Variants in KCNIP1 observed in about 807,000 individuals in gnomAD.
KCNIP1 encodes potassium voltage-gated channel interacting protein 1.
A neutral mutation model predicts 33.0 loss-of-function variants in KCNIP1; 18 were observed. The ratio of observed to expected loss-of-function variants is 0.55; its 90% CI spans 0.38 to 0.81. The LOEUF is 0.81. KCNIP1 is among the 30% of genes least tolerant of loss of function. The probability of loss-of-function intolerance (pLI) is 0.00; values close to 1 mark genes in which losing one functional copy is unlikely to be tolerated. For synonymous variants in KCNIP1, 93 were observed against 98.3 expected (o/e 0.95, Z 0.32); for missense variants, 238 against 271.6 (o/e 0.88, Z 0.87).
intron 1 of KCNIP1, chr5:170,485,772 C>A: frequency 6.6e-6 from 1 of 152,030 alleles, no homozygotes; most frequent in South Asian, 2.1e-4. Context: ...AAGATCAACC[C>A]AGCCCAGCCC....
At chr5:170,650,227 G>C (rs1305387675) in intron 1 of KCNIP1, among the ~76,000 whole-genome samples, 1 of 152,084 alleles carries the variant, frequency 6.6e-6, no homozygotes, top group African/African-American at 2.4e-5. Context: ...TTATTAGTCT[G>C]GACATATAGC....
At chr5:170,627,852 G>T (rs1759892978) in intron 1 of KCNIP1, among the ~76,000 whole-genome samples, 1 of 152,222 alleles carries the variant, frequency 6.6e-6, no homozygotes, top group Non-Finnish European at 1.5e-5. Flanking sequence ...GGGGCTTGGG[G>T]CTCCCCTTGA....
chr5:170,489,409 C>T lies in KCNIP1; in HGVS notation c.88+135445C>T, dbSNP rs1322960291. On this transcript the variant is annotated intron_variant, in intron 1 of 7. Coordinates refer to the KCNIP1 transcript ENST00000377360. This position sits in a 1 kb window ranked among gnomAD's most constrained non-coding sequence, Gnocchi z 4.3. ...AGGTAAGGGCCTCGTGCAGGAGGCC[C>T]CTGGGCAAGGGCCGGCCCTTCTCCT... Among the ~76,000 whole-genome samples, 31 of 152,192 alleles carry T rather than the reference C, an allele frequency of 2.0e-4. No homozygotes were observed. The highest frequency in any genetic ancestry group is 2.0e-3 in the Admixed American group (31 of 15,288).
intron 1 of KCNIP1, chr5:170,379,014 C>T (rs1462807654): frequency 6.3e-7 from 1 of 1,597,240 alleles, no homozygotes; most frequent in East Asian, 2.2e-5. Context: ...TTGGAAATCC[C>T]CATTTCTTAG....
chr5:170,392,510 G>C (rs1754629806), intron 1 of KCNIP1, among the ~76,000 whole-genome samples: 1 of 152,196 alleles, frequency 6.6e-6, no homozygotes. Context: ...TATATGGAGT[G>C]TTACAGGAGA....
chr5:170,693,760 C>T (rs1171636805), intron 1 of KCNIP1, among the ~76,000 whole-genome samples: 1 of 152,230 alleles, frequency 6.6e-6, no homozygotes, highest in African/African-American at 2.4e-5. Flanking sequence ...ACGTGAGCTG[C>T]ATTTACTGCA....
chr5:170,568,168 C>T (rs1013744365), intron 1 of KCNIP1, among the ~76,000 whole-genome samples: 7 of 152,140 alleles, frequency 4.6e-5, no homozygotes, highest in Non-Finnish European at 8.8e-5. Flanking sequence ...GTTGTGGTTG[C>T]CATTCTTATT....
rs534060613 is a variant in KCNIP1 at position 170,648,203 on chromosome 5, T to C, written c.62-70555T>C. Among the ~76,000 whole-genome samples the C allele has an allele frequency of 3.9e-5, 6 of 152,364 alleles. No individual in the cohort carries two copies. In the South Asian group the frequency reaches 1.2e-3, roughly 32 times the overall value. ...GGACTGTGCAAAACAGTACAGCTGCTTTGGAAGACAGTTTGGCAGTTTCTT... is the reference window on the plus strand; with the variant it reads ...GGACTGTGCAAAACAGTACAGCTGCCTTGGAAGACAGTTTGGCAGTTTCTT... On this transcript the variant is annotated intron_variant, in intron 1 of 7. Transcript: ENST00000328939.
chr5:170,675,809 C>G (rs1485038466), intron 1 of KCNIP1, among the ~76,000 whole-genome samples: 1 of 152,128 alleles, frequency 6.6e-6, no homozygotes, highest in South Asian at 2.1e-4. Context: ...AATGCTGTAT[C>G]CTAACTCAAA....
chr5:170,628,441 T>C (rs1365715583), intron 1 of KCNIP1, among the ~76,000 whole-genome samples: 2 of 152,090 alleles, frequency 1.3e-5, no homozygotes, highest in Non-Finnish European at 2.9e-5. Flanking sequence ...TAACAATAAG[T>C]GTTAAAGTCA....
chr5:170,407,559 A>G (rs1275377035), intron 1 of KCNIP1, among the ~76,000 whole-genome samples: 1 of 152,242 alleles, frequency 6.6e-6, no homozygotes, highest in Non-Finnish European at 1.5e-5. Flanking sequence ...TTTTAAAGAC[A>G]TGTTAATACT....
intron 1 of KCNIP1, among the ~76,000 whole-genome samples, chr5:170,367,400 A>AGAAAGAAAGAAAGAAAGAAAGAAAGAAAG (rs1763706835): frequency 1.6e-5 from 2 of 128,230 alleles, no homozygotes; most frequent in Non-Finnish European, 3.3e-5. Flanking sequence ...AAAGAAAGAA[A>AGAAAGAAAGAAAGAAAGAAAGAAAGAAAG]GAAAGAAAGA....
intron 1 of KCNIP1, among the ~76,000 whole-genome samples, chr5:170,475,042 A>C (rs1160890617): frequency 6.6e-6 from 1 of 152,196 alleles, no homozygotes; most frequent in Non-Finnish European, 1.5e-5. Context: ...TCCACTTTAC[A>C]GAGTGCTGAT....
At chr5:170,398,370 G>T (rs2113379218) in intron 1 of KCNIP1, among the ~76,000 whole-genome samples, 1 of 152,188 alleles carries the variant, frequency 6.6e-6, no homozygotes, top group Non-Finnish European at 1.5e-5. Flanking sequence ...TTAAGATTTT[G>T]GTATATATTT....
chr5:170,536,010 G>C (rs2113362785), intron 1 of KCNIP1, among the ~76,000 whole-genome samples: 1 of 152,178 alleles, frequency 6.6e-6, no homozygotes, highest in East Asian at 1.9e-4. Context: ...GTTGTCTTGA[G>C]TTTAGCTCAT....
At chr5:170,670,619 G>A (rs559000208) in intron 1 of KCNIP1, among the ~76,000 whole-genome samples, 29 of 152,282 alleles carry the variant, frequency 1.9e-4, no homozygotes, top group African/African-American at 6.3e-4. Context: ...TGGGCCAGGC[G>A]CAGTGGCTCA....
intron 1 of KCNIP1, among the ~76,000 whole-genome samples, chr5:170,626,220 T>G (rs1478033066): frequency 6.6e-6 from 1 of 152,212 alleles, no homozygotes; most frequent in Non-Finnish European, 1.5e-5. Flanking sequence ...CTTTAACCCT[T>G]GCACTAACGT....
At chr5:170,385,389 C>T in intron 1 of KCNIP1, 1 of 1,614,108 alleles carries the variant, frequency 6.2e-7, no homozygotes, top group Non-Finnish European at 8.5e-7. Context: ...CATGGTTACA[C>T]CCAGGCAAAG....
chr5:170,664,040 A>G (rs1761603722), intron 1 of KCNIP1, among the ~76,000 whole-genome samples: 2 of 152,018 alleles, frequency 1.3e-5, no homozygotes, highest in African/African-American at 4.8e-5. Context: ...TTTCTCCCAC[A>G]GCTCTCCACC....
Sources: allele counts gnomAD v4.1 joint callset (sites outside exome capture counted in the v4.1 genomes callset), GRCh38; gene constraint gnomAD v4.1.1; non-coding constraint Gnocchi (gnomAD v3.1); transcripts MANE v1.5; gene names NCBI Gene and HGNC (gene_info 2026-07-23, HGNC 2026-07-21).